Variants in PDE8B observed in about 807,000 individuals in gnomAD.
PDE8B encodes the protein phosphodiesterase 8B.
Under a neutral mutation model 101.3 loss-of-function variants are expected in PDE8B, and 26 were observed. The observed-to-expected ratio is 0.26, with a 90% CI of 0.19 to 0.36. PDE8B has a LOEUF of 0.36. Ranked by LOEUF, PDE8B falls within the 10% of genes least tolerant of loss-of-function variation. PDE8B has a pLI of 1.00. For missense variants in PDE8B, 810 were observed against 1,163.1 expected (o/e 0.70, Z 4.42); for synonymous variants, 424 against 429.3 (o/e 0.99, Z 0.15).
intron 1 of PDE8B, among the ~76,000 whole-genome samples, chr5:77,251,237 A>G (rs1757995925): frequency 1.3e-5 from 2 of 152,272 alleles, no homozygotes; most frequent in South Asian, 4.1e-4. Context: ...TCTGAGGATG[A>G]TCCATTTGAA....
intron 1 of PDE8B, among the ~76,000 whole-genome samples, chr5:77,307,785 G>A (rs1771592805): frequency 6.6e-6 from 1 of 152,162 alleles, no homozygotes; most frequent in East Asian, 1.9e-4. Flanking sequence ...CATGTGGCTA[G>A]GAAGTGTGTC....
chr5:77,312,399 C>T (rs577718999), intron 2 of PDE8B, among the ~76,000 whole-genome samples: 375 of 152,262 alleles, frequency 2.5e-3, no homozygotes, highest in African/African-American at 8.4e-3. Context: ...CCACTGTGCC[C>T]GGCCTGGCTC....
chr5:77,147,015 GT>G, the PDE8B span: 1 of 464,380 alleles, frequency 2.2e-6, no homozygotes, highest in South Asian at 1.7e-5. Flanking sequence ...AAAGAAGGCT[GT>G]GAAGCTGAAG....
At chr5:77,215,973 A>G (rs531588168) in intron 1 of PDE8B, among the ~76,000 whole-genome samples, 1 of 152,306 alleles carries the variant, frequency 6.6e-6, no homozygotes, top group East Asian at 1.9e-4. Context: ...TTTCTATTCT[A>G]TTCAGGAGGC....
At chr5:77,268,465 T>A (rs952404774) in intron 1 of PDE8B, among the ~76,000 whole-genome samples, 3 of 152,056 alleles carry the variant, frequency 2.0e-5, no homozygotes, top group East Asian at 3.9e-4. Context: ...TATTTTACTA[T>A]ATTTTTGTAC....
At chr5:77,303,710 G>A (rs1001555195) in intron 1 of PDE8B, among the ~76,000 whole-genome samples, 8 of 152,246 alleles carry the variant, frequency 5.3e-5, no homozygotes, top group African/African-American at 1.9e-4. Context: ...GCATTTCTTT[G>A]TACTGTTATA....
chr5:77,238,693 A>G (rs1338313536), intron 1 of PDE8B, among the ~76,000 whole-genome samples: 1 of 152,180 alleles, frequency 6.6e-6, no homozygotes, highest in Non-Finnish European at 1.5e-5. Flanking sequence ...TGACATCTGC[A>G]ACCTGGAGGC....
At chr5:77,178,452 G>A in the PDE8B span, among the ~76,000 whole-genome samples, 8 of 152,058 alleles carry the variant, frequency 5.3e-5, no homozygotes, top group Non-Finnish European at 1.2e-4. Flanking sequence ...TTTCGTTGCT[G>A]TTCTGCTTTT....
chr5:77,244,192 A>G (rs1232555424), intron 1 of PDE8B, among the ~76,000 whole-genome samples: 1 of 152,100 alleles, frequency 6.6e-6, no homozygotes, highest in Non-Finnish European at 1.5e-5. Context: ...GGTTTTAGAA[A>G]GACTTAGCTT....
intron 1 of PDE8B, among the ~76,000 whole-genome samples, chr5:77,276,473 T>C (rs545590821): frequency 6.6e-6 from 1 of 152,390 alleles, no homozygotes; most frequent in South Asian, 2.1e-4. Context: ...GTTTGTTTGC[T>C]TACTTTTTGA....
chr5:77,381,630 A>G lies in PDE8B; in HGVS notation c.1168-18618A>G, dbSNP rs756229849. On this transcript the variant is annotated intron_variant, in intron 10 of 21. Transcript: ENST00000264917. ...ATTTTTTGTTTTTGTTTTTTTTTAA[A>G]TAAAAGGTTGACATGAACACATCAT... 2.0e-5 allele frequency among the ~76,000 whole-genome samples: 3 copies of G among 151,902 alleles called. 1 individual carries two copies. Among genetic ancestry groups the G allele is most frequent in the Non-Finnish European group, 2.9e-5 (2 of 67,996 alleles).
At chr5:77,241,744 A>G (rs1580516048) in intron 1 of PDE8B, among the ~76,000 whole-genome samples, 1 of 152,352 alleles carries the variant, frequency 6.6e-6, no homozygotes, top group Non-Finnish European at 1.5e-5. Flanking sequence ...CCATCAGATT[A>G]TTTCTCTGGG....
chr5:77,392,830 A>G (rs571698059), intron 10 of PDE8B, among the ~76,000 whole-genome samples: 1 of 152,368 alleles, frequency 6.6e-6, no homozygotes, highest in Middle Eastern at 3.4e-3. Context: ...GGAGGTTCAC[A>G]GGCTGTTGGA....
the PDE8B span, among the ~76,000 whole-genome samples, chr5:77,197,040 G>C: frequency 1.0e-5 from 1 of 97,052 alleles, no homozygotes; most frequent in Non-Finnish European, 2.2e-5. Flanking sequence ...ACTAATTGAT[G>C]TATTTTTATC....
chr5:77,387,340 A>C (rs1258705801), intron 10 of PDE8B, among the ~76,000 whole-genome samples: 1 of 152,154 alleles, frequency 6.6e-6, no homozygotes, highest in Non-Finnish European at 1.5e-5. Flanking sequence ...GTTTGGCTGG[A>C]CATGAAATTC....
At chr5:77,373,027 CA>C (rs35287095) in intron 10 of PDE8B, among the ~76,000 whole-genome samples, 96,322 of 143,992 alleles carry the variant, frequency 0.67, 31,785 homozygotes, top group African/African-American at 0.78. Context: ...GACTTCATCT[CA>C]AAAAAAAAAA....
Position 77,426,599 on chromosome 5 carries a change from G to T in PDE8B, c.*45G>T, listed in dbSNP as rs1231604891. The T allele has an allele frequency of 3.0e-6, 3 of 989,246 alleles. No individual in the cohort carries two copies. The highest frequency in any genetic ancestry group is 4.9e-6 in the Non-Finnish European group (3 of 612,794). The allele number at this position is 989,246 out of a possible 1,614,324, so 61.3% of individuals were successfully genotyped here. Reference sequence around the variant, plus strand: ...CCTCTTGACCGACAAAGGACACTGTGAATCACAGTAGCGTAAACGAGAGGC... The same window carrying T: ...CCTCTTGACCGACAAAGGACACTGTTAATCACAGTAGCGTAAACGAGAGGC... On this transcript the variant is annotated 3_prime_UTR_variant, in exon 22 of 22. Coordinates refer to ENST00000264917, the MANE Select transcript of PDE8B (RefSeq NM_003719.5).
the PDE8B span, among the ~76,000 whole-genome samples, chr5:77,127,143 T>C: frequency 2.6e-5 from 4 of 152,232 alleles, no homozygotes; most frequent in Admixed American, 6.5e-5. Flanking sequence ...GGTTCCTGCC[T>C]GTATACATTA....
the PDE8B span, chr5:77,086,955 C>G: frequency 2.6e-5 from 4 of 152,280 alleles, no homozygotes; most frequent in Admixed American, 2.6e-4. Flanking sequence ...TTCTCACAGT[C>G]GCGACAGCCG....
Sources: gnomAD v4.1 joint callset for allele counts (sites outside exome capture counted in the v4.1 genomes callset) on GRCh38, gnomAD v4.1.1 for gene constraint, MANE v1.5 for transcripts, NCBI Gene and HGNC (gene_info 2026-07-23, HGNC 2026-07-21) for gene names.